The following CWF19L1 variants were observed in gnomAD, a reference collection of about 807,000 sequenced individuals.
The protein encoded by CWF19L1 is CWF19-like protein 1.
A neutral mutation model predicts 69.7 loss-of-function variants in CWF19L1; 60 were observed. That is an observed-to-expected ratio of 0.86 (90% CI 0.70 to 1.07). The LOEUF is 1.07. Among genes scored for constraint, CWF19L1 ranks in the 50% least tolerant of loss-of-function variants. The probability of loss-of-function intolerance (pLI) is 0.00; values close to 1 mark genes in which losing one functional copy is unlikely to be tolerated. For synonymous variants in CWF19L1, 209 were observed against 222.2 expected (o/e 0.94, Z 0.53); for missense variants, 591 against 638.9 (o/e 0.92, Z 0.81).
At chr10:100,242,656 A>G (rs962556525) in intron 10 of CWF19L1, among the ~76,000 whole-genome samples, 5 of 149,502 alleles carry the variant, frequency 3.3e-5, no homozygotes, top group Admixed American at 6.6e-5. Context: ...CCTGGGCAAC[A>G]GAGCGAGACT....
intron 4 of CWF19L1, among the ~76,000 whole-genome samples, chr10:100,258,927 G>T (rs186339315): frequency 3.4e-5 from 5 of 148,868 alleles, no homozygotes; most frequent in African/African-American, 1.2e-4. Context: ...AAAAAGCCGA[G>T]CACAGTGGCT....
At chr10:100,233,557 T>C in intron 13 of CWF19L1, 186 bp from the exon 14 acceptor site, 1 of 444,080 alleles carries the variant, frequency 2.3e-6, no homozygotes. Context: ...TATTTCCTGA[T>C]CCTTCAAACC....
In CWF19L1 at chr10:100,238,104, G is replaced by A. The variant is rs1241789992; in HGVS notation, c.1172C>T (p.Thr391Ile). 1.9e-6 allele frequency: 3 copies of A among 1,614,034 alleles called. No homozygotes were observed. The highest frequency in any genetic ancestry group is 2.5e-6 in the Non-Finnish European group (3 of 1,180,050). Residue 391 changes from threonine to isoleucine, a missense_variant, in exon 11 of 14, where the codon ACT (threonine) becomes ATT (isoleucine). Physicochemically the swap from Thr to Ile is moderately conservative, Grantham distance 89. Around this residue, in one of 3 missense-constraint regions of CWF19L1, gnomAD observed 458 missense variants for 489.3 expected, o/e 0.94. Coordinates refer to ENST00000354105, the MANE Select transcript of CWF19L1 (RefSeq NM_018294.6). ...VVEEVEKYKATLRRFFKSRGK... is the reference protein window; with the variant it reads ...VVEEVEKYKAILRRFFKSRGK... The stretch of plus-strand genomic sequence containing the variant: ...TCGACTCTTAAAGAACCGTCTCAGA[G>A]TGGCCTTATACTTCTCCACCTCTTC...
In CWF19L1 at chr10:100,238,237, G is replaced by A. The variant is rs762701817; in HGVS notation, c.1045-6C>T. ...TTGGCCAGGGCAAGGTAGCACTGAA[G>A]AAGCAGCACACAGAATTGAGACATC... On this transcript the variant is annotated splice_polypyrimidine_tract_variant and splice_region_variant and intron_variant, in intron 10 of 13. Transcript: ENST00000354105. 2 of 1,613,906 alleles carry A rather than the reference G, an allele frequency of 1.2e-6. No individual in the cohort carries two copies. Among genetic ancestry groups the A allele is most frequent in the African/African-American group, 1.3e-5 (1 of 75,044 alleles).
intron 10 of CWF19L1, among the ~76,000 whole-genome samples, chr10:100,243,468 A>G (rs908127800): frequency 6.6e-6 from 1 of 152,222 alleles, no homozygotes; most frequent in Admixed American, 6.5e-5. Context: ...GCCTGAGGCT[A>G]AAGTTGGGAA....
In CWF19L1 at chr10:100,243,765, C is replaced by A; in HGVS notation, c.977G>T (p.Gly326Val). 2 of 1,614,110 alleles carry A rather than the reference C, an allele frequency of 1.2e-6. No individual in the cohort carries two copies. Among genetic ancestry groups the A allele is most frequent in the East Asian group, 4.5e-5 (2 of 44,882 alleles). Residue 326 changes from glycine (G) to valine (V), a missense_variant, in exon 10 of 14, where the codon GGA becomes GTA. Transcript: ENST00000354105. The stretch of plus-strand genomic sequence containing the variant: ...GCTAGCAAGGCAAAACCAGCAGGGT[C>A]CTGGAGGCTGAGCTTCATGTAAAAG... ...KQPRKPPQPP[G>V]PCWFCLASPE...
At chr10:100,244,408 T>C (rs1192777912) in intron 9 of CWF19L1, among the ~76,000 whole-genome samples, 3 of 152,128 alleles carry the variant, frequency 2.0e-5, no homozygotes, top group African/African-American at 7.2e-5. Flanking sequence ...TAGGGTGGAG[T>C]ACAGTGGCGC....
At chr10:100,241,572 C>A (rs1267634142) in intron 10 of CWF19L1, among the ~76,000 whole-genome samples, 1 of 152,162 alleles carries the variant, frequency 6.6e-6, no homozygotes, top group Non-Finnish European at 1.5e-5. Flanking sequence ...TGTCTTAGTC[C>A]ATCTTGTGTT....
intron 4 of CWF19L1, among the ~76,000 whole-genome samples, chr10:100,256,685 C>T (rs528167857): frequency 4.3e-4 from 65 of 152,242 alleles, no homozygotes; most frequent in Non-Finnish European, 7.8e-4. Flanking sequence ...AACAGCCCTA[C>T]GTGGAGGCTG....
chr10:100,249,708 C>T (rs901818182), intron 7 of CWF19L1, among the ~76,000 whole-genome samples: 14 of 152,172 alleles, frequency 9.2e-5, no homozygotes, highest in African/African-American at 3.4e-4. Context: ...CCTCAGCTTC[C>T]TGAGTAGCTG....
chr10:100,248,852 T>TGGCAGAAAAGGCTGAGC, intron 7 of CWF19L1: 1 of 1,159,942 alleles, frequency 8.6e-7, no homozygotes, highest in Non-Finnish European at 1.3e-6. Flanking sequence ...ACCAGATTTG[T>TGGCAGAAAAGGCTGAGC]GGCAGAAAAG....
chr10:100,239,073 G>C (rs17668159), intron 10 of CWF19L1, among the ~76,000 whole-genome samples: 9,355 of 130,884 alleles, frequency 0.071, 336 homozygotes, highest in African/African-American at 0.11. Context: ...TAAGCCTTAA[G>C]CTGCTGACTA....
At chr10:100,241,435 C>T (rs998855439) in intron 10 of CWF19L1, among the ~76,000 whole-genome samples, 2 of 152,086 alleles carry the variant, frequency 1.3e-5, no homozygotes, top group Non-Finnish European at 2.9e-5. Context: ...GGAAGGAAGA[C>T]ACAAAAAACG....
intron 7 of CWF19L1, among the ~76,000 whole-genome samples, chr10:100,249,454 A>C (rs1034323414): frequency 1.4e-5 from 2 of 145,632 alleles, no homozygotes; most frequent in African/African-American, 5.6e-5. Context: ...TGAGAAAAAC[A>C]ACCTATTTTT....
At chr10:100,257,025 T>C (rs1847234965) in intron 4 of CWF19L1, among the ~76,000 whole-genome samples, 1 of 152,118 alleles carries the variant, frequency 6.6e-6, no homozygotes, top group South Asian at 2.1e-4. Flanking sequence ...AAAGAACAAG[T>C]GTTTAGGAAA....
chr10:100,260,358 G>C (rs745880057), intron 3 of CWF19L1, 39 bp from the exon 4 acceptor site: 19 of 1,172,432 alleles, frequency 1.6e-5, no homozygotes, highest in Non-Finnish European at 1.0e-5. Flanking sequence ...ATAGTTACCA[G>C]ATCTGCTTTA....
chr10:100,265,264 TA>T (rs982758326), intron 1 of CWF19L1, among the ~76,000 whole-genome samples: 1 of 152,030 alleles, frequency 6.6e-6, no homozygotes. Flanking sequence ...TCAAAAAGTG[TA>T]AAAAAACTTA....
At chr10:100,261,875 A>T in intron 2 of CWF19L1, 104 bp downstream of exon 2, 1 of 990,250 alleles carries the variant, frequency 1.0e-6, no homozygotes, top group Non-Finnish European at 1.5e-6. Flanking sequence ...AACTCAATTT[A>T]ACAAAAATGG....
intron 13 of CWF19L1, 91 bp downstream of exon 13, chr10:100,235,576 C>T (rs201865068): frequency 1.2e-6 from 1 of 861,062 alleles, no homozygotes; most frequent in Non-Finnish European, 1.9e-6. Context: ...GGACTGTTTA[C>T]AATTTAGCTT....
Sources: gnomAD v4.1 joint callset for allele counts (sites outside exome capture counted in the v4.1 genomes callset) on GRCh38, gnomAD v4.1.1 for gene constraint, gnomAD v4.1.1 regional missense constraint, MANE v1.5 for transcripts, NCBI Gene and HGNC (gene_info 2026-07-23, HGNC 2026-07-21) for gene names.